The following DCLK1 variants were observed in gnomAD, a reference collection of about 807,000 sequenced individuals.
The protein encoded by DCLK1 is serine/threonine-protein kinase DCLK1.
Under a neutral mutation model 86.2 loss-of-function variants are expected in DCLK1, and 16 were observed. That is an observed-to-expected ratio of 0.19 (90% CI 0.13 to 0.28). The LOEUF is 0.28. Among genes scored for constraint, DCLK1 ranks in the 10% least tolerant of loss-of-function variants. The pLI is 1.00. For missense variants in DCLK1, 590 were observed against 940.2 expected, an observed-to-expected ratio of 0.63 and a Z score of 4.87; for synonymous variants, 369 against 370.5, an observed-to-expected ratio of 1.00 and a Z score of 0.05.
At chr13:35,840,965 C>T (rs1267139700) in intron 6 of DCLK1, among the ~76,000 whole-genome samples, 1 of 152,306 alleles carries the variant, frequency 6.6e-6, no homozygotes, top group East Asian at 1.9e-4. Context: ...TTTTCCAGAA[C>T]AGTGAGATCC....
At chr13:36,046,836 C>T (rs1273600374) in intron 3 of DCLK1, among the ~76,000 whole-genome samples, 1 of 152,118 alleles carries the variant, frequency 6.6e-6, no homozygotes, top group African/African-American at 2.4e-5. Context: ...ACATAAAGGC[C>T]AGCACTGGTG....
intron 3 of DCLK1, among the ~76,000 whole-genome samples, chr13:36,017,487 A>G (rs1881584477): frequency 6.6e-6 from 1 of 152,214 alleles, no homozygotes; most frequent in African/African-American, 2.4e-5. Context: ...CAACACATCT[A>G]TAAAAACGTA....
At chr13:35,978,043 A>AG (rs1424732978) in intron 3 of DCLK1, among the ~76,000 whole-genome samples, 2 of 152,160 alleles carry the variant, frequency 1.3e-5, no homozygotes, top group Non-Finnish European at 2.9e-5. Context: ...AGAAATATTA[A>AG]GGAAGTATTA....
At chr13:35,899,125 C>A (rs1453826256) in intron 4 of DCLK1, among the ~76,000 whole-genome samples, 1 of 152,132 alleles carries the variant, frequency 6.6e-6, no homozygotes, top group Non-Finnish European at 1.5e-5. Context: ...CTGAGGGATA[C>A]CTCTGGGTTC....
At chr13:36,066,711 G>GA (rs5802802) in intron 3 of DCLK1, among the ~76,000 whole-genome samples, 56,587 of 151,326 alleles carry the variant, frequency 0.37, 10,720 homozygotes, top group South Asian at 0.59. Flanking sequence ...AAATTTACAA[G>GA]AAAAAAACAA....
At chr13:35,856,494 G>C (rs1242112601) in intron 5 of DCLK1, among the ~76,000 whole-genome samples, 1 of 152,126 alleles carries the variant, frequency 6.6e-6, no homozygotes. Context: ...ACATAGATTG[G>C]AGGGAAAAAA....
intron 3 of DCLK1, among the ~76,000 whole-genome samples, chr13:36,022,499 TAACA>T (rs1470366518): frequency 6.6e-6 from 1 of 150,574 alleles, no homozygotes; most frequent in Non-Finnish European, 1.5e-5. Context: ...TCAACAAAAT[TAACA>T]AACCTTTAGC....
intron 4 of DCLK1, among the ~76,000 whole-genome samples, chr13:35,930,607 CAAACAAACAA>C (rs1236983115): frequency 5.3e-5 from 8 of 151,172 alleles, no homozygotes; most frequent in East Asian, 1.9e-4. Flanking sequence ...CTCAAACAAA[CAAACAAACAA>C]AAACAAACAA....
At chr13:35,940,388 T>G (rs929444580) in intron 4 of DCLK1, among the ~76,000 whole-genome samples, 1 of 152,168 alleles carries the variant, frequency 6.6e-6, no homozygotes, top group Non-Finnish European at 1.5e-5. Flanking sequence ...TGGTACATAG[T>G]AAGTTAGCTT....
At chr13:35,851,288 C>T (rs1012278160) in intron 6 of DCLK1, among the ~76,000 whole-genome samples, 6 of 152,124 alleles carry the variant, frequency 3.9e-5, no homozygotes, top group East Asian at 1.9e-4. Context: ...TGACAGAAAG[C>T]GTGTAAAATT....
intron 6 of DCLK1, chr13:35,848,058 T>A (rs187455660): frequency 3.0e-6 from 3 of 985,280 alleles, no homozygotes; most frequent in Non-Finnish European, 3.6e-6. Flanking sequence ...AATGTCTACA[T>A]CTAAGAAAAA....
chr13:35,988,096 T>C (rs1880031613), intron 3 of DCLK1, among the ~76,000 whole-genome samples: 1 of 152,136 alleles, frequency 6.6e-6, no homozygotes. Flanking sequence ...CACCTCCCAG[T>C]CCTGATGGGG....
intron 16 of DCLK1, among the ~76,000 whole-genome samples, chr13:35,783,927 T>C (rs1451439412): frequency 6.6e-6 from 1 of 152,174 alleles, no homozygotes; most frequent in Non-Finnish European, 1.5e-5. Context: ...GTGTCTGACA[T>C]ATATTTGAGA....
chr13:35,790,870 C>T (rs1396348314), intron 16 of DCLK1, among the ~76,000 whole-genome samples: 1 of 151,990 alleles, frequency 6.6e-6, no homozygotes, highest in Non-Finnish European at 1.5e-5. Flanking sequence ...GTGATAGTCC[C>T]CTGATAGTCA....
chr13:35,914,485 C>T (rs563665045), intron 4 of DCLK1, among the ~76,000 whole-genome samples: 8 of 150,128 alleles, frequency 5.3e-5, no homozygotes, highest in African/African-American at 1.2e-4. Context: ...GGAAGGCCAA[C>T]GTGGGTAGAT....
At chr13:36,091,367 A>G (rs1215198523) in intron 3 of DCLK1, among the ~76,000 whole-genome samples, 7 of 152,202 alleles carry the variant, frequency 4.6e-5, no homozygotes, top group African/African-American at 1.7e-4. Flanking sequence ...AGTAAAATAA[A>G]AAAATTTAAA....
At chr13:35,939,416 T>A (rs575450978) in intron 4 of DCLK1, among the ~76,000 whole-genome samples, 2 of 152,356 alleles carry the variant, frequency 1.3e-5, no homozygotes, top group African/African-American at 4.8e-5. Flanking sequence ...GGCTTTTGTT[T>A]ATTTGTTTTT....
chr13:36,055,266 A>G (rs1030993922), intron 3 of DCLK1, among the ~76,000 whole-genome samples: 5 of 152,166 alleles, frequency 3.3e-5, no homozygotes, highest in African/African-American at 1.2e-4. Flanking sequence ...TTAGTAGAAT[A>G]GCCTTTGAAA....
At chr13:35,908,448 C>T (rs772495444) in intron 4 of DCLK1, among the ~76,000 whole-genome samples, 18 of 152,210 alleles carry the variant, frequency 1.2e-4, no homozygotes, top group South Asian at 1.0e-3. Flanking sequence ...GATAGAGGCT[C>T]CTCCAGCCTT....
Sources: allele counts gnomAD v4.1 joint callset (sites outside exome capture counted in the v4.1 genomes callset), GRCh38; gene constraint gnomAD v4.1.1; transcripts MANE v1.5; gene names NCBI Gene and HGNC (gene_info 2026-07-23, HGNC 2026-07-21).